Variants in RHD observed in about 807,000 individuals in gnomAD.
RHD encodes the protein blood group Rh(D) polypeptide.
RHD carries 16 observed loss-of-function variants against 45.5 expected under a neutral mutation model. The observed-to-expected ratio is 0.35, with a 90% CI of 0.24 to 0.53. The LOEUF is 0.53. Ranked by LOEUF, RHD falls within the 20% of genes least tolerant of loss-of-function variation. RHD has a pLI of 0.92. For missense variants in RHD, 306 were observed against 532.0 expected, an observed-to-expected ratio of 0.58 and a Z score of 4.18; for synonymous variants, 131 against 217.5, an observed-to-expected ratio of 0.60 and a Z score of 3.50.
rs548774243 is a variant in RHD at position 25,275,561 on chromosome 1, A to G, written c.148+2866A>G. ...ATGGTGTACACACGATTTTTTGAGC[A>G]TGTACCATGGTTATATATTACACTT... On this transcript the variant is annotated intron_variant, in intron 1 of 9. Coordinates refer to ENST00000328664, the MANE Select transcript of RHD (RefSeq NM_016124.6). 1.7e-4 allele frequency among the ~76,000 whole-genome samples: 23 copies of G among 132,520 alleles called. 7 individuals are homozygous for G. The highest frequency in any genetic ancestry group is 5.9e-4 in the African/African-American group (23 of 38,908). 86.9% of individuals were successfully genotyped at this position (132,520 alleles called of 152,430 possible).
At position 25,284,562 on chromosome 1, in the gene RHD, C is replaced by T. The variant is rs769120389; in HGVS notation, c.149-11C>T. On this transcript the variant is annotated splice_polypyrimidine_tract_variant and intron_variant, in intron 1 of 9. Coordinates refer to ENST00000328664, the MANE Select transcript of RHD (RefSeq NM_016124.6). Reference sequence around the variant, plus strand: ...CCCCCTCGTCCTTCTCGCCATCTCCCCACCGAGCAGTTGGCCAAGATCTGA... The same window carrying T: ...CCCCCTCGTCCTTCTCGCCATCTCCTCACCGAGCAGTTGGCCAAGATCTGA... The T allele has an allele frequency of 8.0e-5, 111 of 1,388,570 alleles. 1 individual carries two copies. The highest frequency in any genetic ancestry group is 1.1e-4 in the Non-Finnish European group (105 of 984,970). 86.0% of individuals were successfully genotyped at this position (1,388,570 alleles called of 1,614,324 possible). A position where few individuals can be genotyped will look rare whatever the true frequency, so the allele number is the denominator to read the frequency against.
rs758618412 is a variant in RHD at position 25,290,688 on chromosome 1, A to G, written c.383A>G (p.Asp128Gly). ...MSALSVLISV[D>G]AVLGKVNLAQ... Reference sequence around the variant, plus strand: ...GCTTTGTCGGTGCTGATCTCAGTGGATGCTGTCTTGGGGAAGGTCAACTTG... The same window carrying G: ...GCTTTGTCGGTGCTGATCTCAGTGGGTGCTGTCTTGGGGAAGGTCAACTTG... Residue 128 changes from aspartate (D) to glycine (G), a missense_variant, in exon 3 of 10, where the codon GAT (aspartate) becomes GGT (glycine). By Grantham distance (94) the Asp-to-Gly change is moderately conservative. Transcript: ENST00000328664. 3.0e-5 allele frequency: 42 copies of G among 1,377,756 alleles called. 6 individuals carry two copies. The highest frequency in any genetic ancestry group is 1.6e-4 in the Admixed American group (9 of 55,916). The allele number at this position is 1,377,756 out of a possible 1,614,324, so 85.3% of individuals were successfully genotyped here. A position where few individuals can be genotyped will look rare whatever the true frequency, so the allele number is the denominator to read the frequency against.
rs1242213324 is a variant in RHD at position 25,303,371 on chromosome 1, C to T, written c.851C>T (p.Ser284Leu). 27 of 1,376,054 alleles carry T rather than the reference C, an allele frequency of 2.0e-5. 7 individuals are homozygous for T. Among genetic ancestry groups the T allele is most frequent in the African/African-American group, 2.8e-5 (2 of 70,278 alleles). 85.2% of individuals were successfully genotyped at this position (1,376,054 alleles called of 1,614,324 possible). The change falls in exon 6 of 10, where the codon TCG becomes TTG. Residue 284 changes from serine to leucine, a missense_variant. Ser to Leu is a moderately radical substitution (Grantham distance 145, BLOSUM62 -2). Transcript: ENST00000328664. Reference sequence around the variant, plus strand: ...GCAGGAGGCGTGGCTGTGGGTACCTCGTGTCACCTGATCCCTTCTCCGTGG... The same window carrying T: ...GCAGGAGGCGTGGCTGTGGGTACCTTGTGTCACCTGATCCCTTCTCCGTGG... ...VLAGGVAVGT[S>L]CHLIPSPWLA...
chr1:25,307,692 T>C lies in RHD; in HGVS notation c.1073+963T>C, dbSNP rs1557550219. 5 of 1,306,900 alleles carry C rather than the reference T, an allele frequency of 3.8e-6. 2 individuals carry two copies. The highest frequency in any genetic ancestry group is 1.3e-5 in the South Asian group (1 of 78,278). 81.0% of individuals were successfully genotyped at this position (1,306,900 alleles called of 1,614,324 possible). A position where few individuals can be genotyped will look rare whatever the true frequency, so the allele number is the denominator to read the frequency against. ...CTGTAAAAATGGCTGAAGCAGGTGATGAGGAGCTGATGCGTTTGGACGTGT... is the reference window on the plus strand; with the variant it reads ...CTGTAAAAATGGCTGAAGCAGGTGACGAGGAGCTGATGCGTTTGGACGTGT... On this transcript the variant is annotated intron_variant, in intron 7 of 9. Transcript: ENST00000328664.
At chr1:25,310,737 C>CAA (rs1265732985) in intron 7 of RHD, among the ~76,000 whole-genome samples, 2 of 132,232 alleles carry the variant, frequency 1.5e-5, no homozygotes, top group African/African-American at 5.1e-5. Context: ...TTTGGGAGGC[C>CAA]AAAGCAGGTG....
rs1304691671 is a variant in RHD at position 25,283,320 on chromosome 1, C to G, written c.149-1253C>G. On this transcript the variant is annotated intron_variant, in intron 1 of 9. Coordinates refer to ENST00000328664, the MANE Select transcript of RHD (RefSeq NM_016124.6). ...CCGAGGTGGGCAGATCACTTGAGGT[C>G]AGGAGTTCGAGACCAGCTTGGCCAA... Among the ~76,000 whole-genome samples, 19 of 131,724 alleles carry G rather than the reference C, an allele frequency of 1.4e-4. 1 individual carries two copies. The highest frequency in any genetic ancestry group is 4.9e-4 in the African/African-American group (19 of 38,584). The allele number at this position is 131,724 out of a possible 152,430, so 86.4% of individuals were successfully genotyped here.
intron 7 of RHD, among the ~76,000 whole-genome samples, chr1:25,314,494 C>T (rs1644330212): frequency 7.6e-6 from 1 of 131,942 alleles, no homozygotes; most frequent in African/African-American, 2.6e-5. Flanking sequence ...TTACCTTTTT[C>T]CTTCTTTCTT....
rs1242630813 is a variant in RHD, at chr1:25,313,094, T to C, written c.1074-3906T>C. 4.7e-5 allele frequency among the ~76,000 whole-genome samples: 6 copies of C among 127,794 alleles called. 2 individuals carry two copies. The highest frequency in any genetic ancestry group is 1.6e-4 in the African/African-American group (6 of 37,768). The allele number at this position is 127,794 out of a possible 152,430, so 83.8% of individuals were successfully genotyped here. A position where few individuals can be genotyped will look rare whatever the true frequency, so the allele number is the denominator to read the frequency against. On this transcript the variant is annotated intron_variant, in intron 7 of 9. Coordinates refer to ENST00000328664, the MANE Select transcript of RHD (RefSeq NM_016124.6). ...TCTCCAAATTCATATGTTGATGAAA[T>C]TGGAGGTGAAGCCTTTGGGAGGTAA...
In RHD at chr1:25,296,256, TC is replaced by T. The variant is rs1338668079; in HGVS notation, c.487-4689del. ...CAGTGTACATTTCTTTTTTTTTTTTTCTTTGAGACAGAGTCTTGCTCCATCA... is the reference window on the plus strand; with the variant it reads ...CAGTGTACATTTCTTTTTTTTTTTTTTTTGAGACAGAGTCTTGCTCCATCA... On this transcript the variant is annotated intron_variant, in intron 3 of 9. Transcript: ENST00000328664. Among the ~76,000 whole-genome samples, 293 of 128,178 alleles carry T rather than the reference TC, an allele frequency of 2.3e-3. 62 individuals carry two copies. Among genetic ancestry groups the T allele is most frequent in the Middle Eastern group, 0.021 (5 of 238 alleles). The allele number at this position is 128,178 out of a possible 152,430, so 84.1% of individuals were successfully genotyped here.
In RHD at chr1:25,296,240, T is replaced by C. The variant is rs1642945446; in HGVS notation, c.487-4706T>C. On this transcript the variant is annotated intron_variant, in intron 3 of 9. Transcript: ENST00000328664. ...TAACCCCTAAATACTTCAGTGTACA[T>C]TTCTTTTTTTTTTTTTCTTTGAGAC... Among the ~76,000 whole-genome samples the C allele has an allele frequency of 1.6e-5, 2 of 125,752 alleles. 1 individual carries two copies. The highest frequency in any genetic ancestry group is 3.7e-5 in the Non-Finnish European group (2 of 53,738). 82.5% of individuals were successfully genotyped at this position (125,752 alleles called of 152,430 possible).
Position 25,311,575 on chromosome 1 carries a change from CA to C in RHD, c.1073+4847del, listed in dbSNP as rs1240724786. Among the ~76,000 whole-genome samples, 3 of 129,942 alleles carry C rather than the reference CA, an allele frequency of 2.3e-5. 1 individual carries two copies. The highest frequency in any genetic ancestry group is 5.5e-5 in the Non-Finnish European group (3 of 55,018). The allele number at this position is 129,942 out of a possible 152,430, so 85.2% of individuals were successfully genotyped here. Reference sequence around the variant, plus strand: ...AAAATTAGTACACATAGAACAAAGCCAGAGGCTGTTCATCAGGACAAGGGAG... The same window carrying C: ...AAAATTAGTACACATAGAACAAAGCCGAGGCTGTTCATCAGGACAAGGGAG... On this transcript the variant is annotated intron_variant, in intron 7 of 9. Coordinates refer to ENST00000328664, the MANE Select transcript of RHD (RefSeq NM_016124.6).
intron 8 of RHD, among the ~76,000 whole-genome samples, chr1:25,320,444 A>C (rs1294038262): frequency 7.6e-6 from 1 of 132,258 alleles, no homozygotes; most frequent in Non-Finnish European, 1.8e-5. Context: ...TGGAAAATTC[A>C]TGCAGGCGCC....
intron 3 of RHD, among the ~76,000 whole-genome samples, chr1:25,295,829 G>A (rs1192302244): frequency 9.2e-6 from 1 of 109,010 alleles, no homozygotes; most frequent in Non-Finnish European, 2.2e-5. Flanking sequence ...AAGAACAATG[G>A]TCTGGGAGGG....
rs879144257 is a variant in RHD at position 25,297,653 on chromosome 1, C to A, written c.487-3293C>A. Among the ~76,000 whole-genome samples, 6 of 129,984 alleles carry A rather than the reference C, an allele frequency of 4.6e-5. 2 individuals carry two copies. Among genetic ancestry groups the A allele is most frequent in the African/African-American group, 1.6e-4 (6 of 37,670 alleles). The allele number at this position is 129,984 out of a possible 152,430, so 85.3% of individuals were successfully genotyped here. A position where few individuals can be genotyped will look rare whatever the true frequency, so the allele number is the denominator to read the frequency against. On this transcript the variant is annotated intron_variant, in intron 3 of 9. Coordinates refer to ENST00000328664, the MANE Select transcript of RHD (RefSeq NM_016124.6). The stretch of plus-strand genomic sequence containing the variant: ...CACTCATCTATGTACTTATTTATAT[C>A]ACCATGGGCTCCTGGATTCCGGTTT...
chr1:25,315,937 C>T (rs1312892872), intron 7 of RHD, among the ~76,000 whole-genome samples: 1 of 131,922 alleles, frequency 7.6e-6, no homozygotes, highest in East Asian at 1.9e-4. Flanking sequence ...AAATGACATA[C>T]AAGGTGGGGT....
chr1:25,285,502 C>A (rs971725312), intron 2 of RHD, among the ~76,000 whole-genome samples: 4 of 134,828 alleles, frequency 3.0e-5, no homozygotes, highest in African/African-American at 1.0e-4. Context: ...AATAGCCATG[C>A]CTTTATTTTC....
Position 25,288,232 on chromosome 1 carries a change from G to C in RHD, c.336-2409G>C, listed in dbSNP as rs1410117936. ...AGGACCTCACTGTGTTGCTCAGGCT[G>C]GTCTCAAACTCCTGGGCTCAAGTGA... On this transcript the variant is annotated intron_variant, in intron 2 of 9. Coordinates refer to ENST00000328664, the MANE Select transcript of RHD (RefSeq NM_016124.6). 6.2e-5 allele frequency among the ~76,000 whole-genome samples: 8 copies of C among 129,342 alleles called. 2 individuals are homozygous for C. Among genetic ancestry groups the C allele is most frequent in the Non-Finnish European group, 1.5e-4 (8 of 54,494 alleles). 84.9% of individuals were successfully genotyped at this position (129,342 alleles called of 152,430 possible). A position where few individuals can be genotyped will look rare whatever the true frequency, so the allele number is the denominator to read the frequency against.
rs560657952 is a variant in RHD at position 25,286,021 on chromosome 1, A to G, written c.335+1262A>G. Among the ~76,000 whole-genome samples the G allele has an allele frequency of 9.6e-5, 13 of 135,304 alleles. 1 individual carries two copies. The East Asian group carries it at 1.7e-3, about 18-fold the overall frequency. 88.8% of individuals were successfully genotyped at this position (135,304 alleles called of 152,430 possible). ...CCTGGTATACAGGTAAGGAAGTGGAAGCTCAGAGAGGGCAAGGCACTTGCC... is the reference window on the plus strand; with the variant it reads ...CCTGGTATACAGGTAAGGAAGTGGAGGCTCAGAGAGGGCAAGGCACTTGCC... On this transcript the variant is annotated intron_variant, in intron 2 of 9. Transcript: ENST00000328664.
chr1:25,297,978 C>T lies in RHD; in HGVS notation c.487-2968C>T, dbSNP rs561473685. On this transcript the variant is annotated intron_variant, in intron 3 of 9. Coordinates refer to ENST00000328664, the MANE Select transcript of RHD (RefSeq NM_016124.6). ...TCTTTTGGCTCTTATTCTCTCCGTA[C>T]ATCTAACATCTCTGTACACCAGCTT... Among the ~76,000 whole-genome samples the T allele has an allele frequency of 1.2e-3, 160 of 130,970 alleles. 29 individuals carry two copies. Among genetic ancestry groups the T allele is most frequent in the African/African-American group, 4.0e-3 (153 of 38,192 alleles). The allele number at this position is 130,970 out of a possible 152,430, so 85.9% of individuals were successfully genotyped here.
Sources: allele counts gnomAD v4.1 joint callset (sites outside exome capture counted in the v4.1 genomes callset), GRCh38; gene constraint gnomAD v4.1.1; transcripts MANE v1.5; gene names NCBI Gene and HGNC (gene_info 2026-07-23, HGNC 2026-07-21).